The following LINGO2 variants were observed in gnomAD, a reference collection of about 807,000 sequenced individuals.
LINGO2 encodes leucine rich repeat and Ig domain containing 2.
LINGO2 carries 14 observed loss-of-function variants against 30.6 expected under a neutral mutation model. That is an observed-to-expected ratio of 0.46 (90% CI 0.30 to 0.72). The LOEUF is 0.72. Ranked by LOEUF, LINGO2 falls within the 30% of genes least tolerant of loss-of-function variation. The pLI, the probability that LINGO2 is intolerant of heterozygous loss-of-function variation, is 0.07. For synonymous variants in LINGO2, 317 were observed against 288.5 expected (o/e 1.10, Z -1.00); for missense variants, 729 against 751.7 (o/e 0.97, Z 0.35).
At chr9:28,302,198 T>C (rs1325827148) in intron 3 of LINGO2, among the ~76,000 whole-genome samples, 3 of 152,188 alleles carry the variant, frequency 2.0e-5, no homozygotes, top group Non-Finnish European at 4.4e-5. Context: ...TTTATTGGTG[T>C]AAGGCAGACT....
chr9:28,872,093 T>A, the LINGO2 span, among the ~76,000 whole-genome samples: 1 of 152,088 alleles, frequency 6.6e-6, no homozygotes, highest in Admixed American at 6.6e-5. Flanking sequence ...CCTTTACTCA[T>A]AAAATCACAG....
chr9:28,893,907 C>A, the LINGO2 span, among the ~76,000 whole-genome samples: 2 of 151,736 alleles, frequency 1.3e-5, no homozygotes, highest in African/African-American at 4.8e-5. Context: ...CCCCCTGCCC[C>A]CACCCCACAA....
At chr9:29,131,532 C>G in the LINGO2 span, among the ~76,000 whole-genome samples, 1 of 152,052 alleles carries the variant, frequency 6.6e-6, no homozygotes, top group Non-Finnish European at 1.5e-5. Context: ...ACAGGACAAG[C>G]AGTAAAACTT....
intron 1 of LINGO2, among the ~76,000 whole-genome samples, chr9:28,497,662 C>A (rs1315260751): frequency 6.6e-6 from 1 of 152,178 alleles, no homozygotes; most frequent in Admixed American, 6.5e-5. Flanking sequence ...CTCAACTCAT[C>A]AAAGTCATTC....
the LINGO2 span, among the ~76,000 whole-genome samples, chr9:29,128,124 G>T: frequency 6.6e-6 from 1 of 152,108 alleles, no homozygotes; most frequent in Non-Finnish European, 1.5e-5. Context: ...AAAGCTCCTA[G>T]TAGGCCATTG....
At chr9:28,715,040 G>T in the LINGO2 span, among the ~76,000 whole-genome samples, 2 of 152,116 alleles carry the variant, frequency 1.3e-5, no homozygotes, top group Admixed American at 1.3e-4. Flanking sequence ...TTCTTAGAAT[G>T]TGAGTCGTAG....
chr9:28,125,600 A>G (rs545015807), intron 4 of LINGO2, among the ~76,000 whole-genome samples: 5 of 151,148 alleles, frequency 3.3e-5, no homozygotes, highest in Admixed American at 6.6e-5. Flanking sequence ...GGGCTCTCTT[A>G]GAGTCTCATC....
intron 4 of LINGO2, among the ~76,000 whole-genome samples, chr9:28,257,841 T>C (rs1373124918): frequency 1.3e-5 from 2 of 151,920 alleles, no homozygotes; most frequent in Non-Finnish European, 2.9e-5. Context: ...CAATACATCA[T>C]TTAGTGACCT....
chr9:28,104,262 GTTTGTTTTTTTTTT>G (rs1023646921), intron 4 of LINGO2, among the ~76,000 whole-genome samples: 10 of 55,798 alleles, frequency 1.8e-4, no homozygotes, highest in African/African-American at 6.8e-4. Flanking sequence ...CAAGTTTTTT[GTTTGTTTTTTTTTT>G]TTTTTTTTTT....
the LINGO2 span, among the ~76,000 whole-genome samples, chr9:29,154,183 A>G: frequency 6.6e-6 from 1 of 152,114 alleles, no homozygotes; most frequent in Non-Finnish European, 1.5e-5. Context: ...GGTGGCTCAC[A>G]CCTGTAATCC....
intron 4 of LINGO2, among the ~76,000 whole-genome samples, chr9:28,096,743 T>G (rs1431499735): frequency 6.6e-6 from 1 of 151,978 alleles, no homozygotes; most frequent in Admixed American, 6.6e-5. Flanking sequence ...TGTTGACCAT[T>G]CCAATTGCAT....
the LINGO2 span, among the ~76,000 whole-genome samples, chr9:28,692,176 T>C: frequency 6.6e-6 from 1 of 152,130 alleles, no homozygotes; most frequent in Non-Finnish European, 1.5e-5. Flanking sequence ...TCCCAAACTT[T>C]ACAAAGTGGC....
At position 28,329,825 on chromosome 9, in the gene LINGO2, TG is replaced by T. The variant is rs1207274787; in HGVS notation, c.-245-34460del. Among the ~76,000 whole-genome samples the T allele has an allele frequency of 1.3e-5, 2 of 152,216 alleles. No homozygotes were observed. Among genetic ancestry groups the T allele is most frequent in the African/African-American group, 2.4e-5 (1 of 41,452 alleles). ...CATCCTCTGGGGTTTTATATCACCT[TG>T]TGCATATCTCTATGAAAGCACCTCA... On this transcript the variant is annotated intron_variant, in intron 3 of 5. Coordinates refer to ENST00000379992, the Ensembl canonical transcript of LINGO2. The surrounding 1 kb of genome is among the most constrained non-coding windows in gnomAD (Gnocchi z 4.5).
the LINGO2 span, among the ~76,000 whole-genome samples, chr9:29,103,826 A>G: frequency 6.6e-6 from 1 of 152,200 alleles, no homozygotes; most frequent in Non-Finnish European, 1.5e-5. Context: ...ACAATACCAC[A>G]TTAACACCAA....
the LINGO2 span, among the ~76,000 whole-genome samples, chr9:28,870,126 G>A: frequency 2.0e-5 from 3 of 151,804 alleles, no homozygotes; most frequent in Non-Finnish European, 4.4e-5. Flanking sequence ...CCAGTTCATT[G>A]AAATGGTACA....
intron 3 of LINGO2, among the ~76,000 whole-genome samples, chr9:28,301,725 A>C (rs1485856743): frequency 1.3e-5 from 2 of 152,200 alleles, no homozygotes; most frequent in Admixed American, 1.3e-4. Flanking sequence ...ATAAAGTGAG[A>C]AATGGCCTTT....
chr9:29,138,734 G>A, the LINGO2 span, among the ~76,000 whole-genome samples: 2 of 152,124 alleles, frequency 1.3e-5, no homozygotes, highest in Non-Finnish European at 2.9e-5. Context: ...AGGCCTCAGT[G>A]TGGATAAATA....
At chr9:28,974,421 A>G in the LINGO2 span, among the ~76,000 whole-genome samples, 2 of 152,178 alleles carry the variant, frequency 1.3e-5, no homozygotes, top group African/African-American at 4.8e-5. Context: ...CAAACAAAAA[A>G]AAGATATAAA....
chr9:28,816,294 T>C, the LINGO2 span, among the ~76,000 whole-genome samples: 71 of 152,322 alleles, frequency 4.7e-4, no homozygotes, highest in African/African-American at 1.7e-3. Context: ...AATGAAAAGA[T>C]TGCTTTTCTC....
Sources: gnomAD v4.1 joint callset for allele counts (sites outside exome capture counted in the v4.1 genomes callset) on GRCh38, gnomAD v4.1.1 for gene constraint, Gnocchi (gnomAD v3.1) non-coding constraint, MANE v1.5 for transcripts, NCBI Gene and HGNC (gene_info 2026-07-23, HGNC 2026-07-21) for gene names.